Variants in NLN observed in about 807,000 individuals in gnomAD.
The protein encoded by NLN is neurolysin, also known as neurolysin, mitochondrial.
A neutral mutation model predicts 79.9 loss-of-function variants in NLN; 64 were observed. The ratio of observed to expected loss-of-function variants is 0.80; its 90% confidence interval spans 0.65 to 0.99. NLN has a LOEUF of 0.99. Among genes scored for constraint, NLN ranks in the 50% least tolerant of loss-of-function variants. NLN has a pLI of 0.00. For synonymous variants in NLN, 267 were observed against 296.6 expected (o/e 0.90, Z 1.02); for missense variants, 835 against 858.7 (o/e 0.97, Z 0.34).
At chr5:65,817,296 C>T (rs1439028762) in intron 12 of NLN, among the ~76,000 whole-genome samples, 2 of 152,030 alleles carry the variant, frequency 1.3e-5, no homozygotes, top group Non-Finnish European at 2.9e-5. Flanking sequence ...ACTTTTTTCT[C>T]AGTGAACATG....
chr5:65,810,790 G>A (rs1054102446), intron 11 of NLN, among the ~76,000 whole-genome samples: 6 of 151,996 alleles, frequency 3.9e-5, no homozygotes, highest in African/African-American at 7.2e-5. Flanking sequence ...GACCAGCCTA[G>A]GCAACATGGC....
At chr5:65,783,521 G>A (rs1388028214) in intron 6 of NLN, among the ~76,000 whole-genome samples, 3 of 152,070 alleles carry the variant, frequency 2.0e-5, no homozygotes. Context: ...AGCTGGCTTT[G>A]AGGAAGGCTG....
At chr5:65,738,928 G>GTATATATAAATA (rs1181884723) in intron 1 of NLN, among the ~76,000 whole-genome samples, 5 of 111,704 alleles carry the variant, frequency 4.5e-5, no homozygotes, top group African/African-American at 1.8e-4. Context: ...ATATATGTGT[G>GTATATATAAATA]TATATATATT....
At chr5:65,771,146 T>C (rs1759557588) in intron 3 of NLN, among the ~76,000 whole-genome samples, 1 of 152,084 alleles carries the variant, frequency 6.6e-6, no homozygotes, top group Admixed American at 6.5e-5. Flanking sequence ...ATTTAACATA[T>C]ATTAAATGTA....
rs768081359 is a variant in NLN, at chr5:65,792,556, C to G, written c.1428C>G (p.Phe476Leu). The change falls in exon 9 of 13, where the codon TTC (phenylalanine) becomes TTG (leucine). Residue 476 changes from phenylalanine (F) to leucine (L), a missense_variant. Physicochemically the swap from Phe to Leu is conservative, Grantham distance 22 (BLOSUM62 0). Coordinates refer to ENST00000380985, the MANE Select transcript of NLN (RefSeq NM_020726.5). ...CAGTGGCTGCCCTCGTGGTGAACTT[C>G]TCACAGCCAGTGGCAGGTCGTCCCT... is the stretch of plus-strand genomic sequence containing the variant. Reference protein sequence around the residue: ...MMAVAALVVNFSQPVAGRPSL... With the variant: ...MMAVAALVVNLSQPVAGRPSL... 1.2e-6 allele frequency: 2 copies of G among 1,613,912 alleles called. No individual in the cohort carries two copies. The highest frequency in any genetic ancestry group is 4.5e-5 in the East Asian group (2 of 44,874).
At chr5:65,791,525 C>T (rs1213269435) in intron 8 of NLN, among the ~76,000 whole-genome samples, 1 of 151,886 alleles carries the variant, frequency 6.6e-6, no homozygotes, top group Non-Finnish European at 1.5e-5. Context: ...GCCACCGCAC[C>T]CCAGCCTGGG....
chr5:65,803,783 G>C (rs1268280532), intron 9 of NLN, among the ~76,000 whole-genome samples: 1 of 152,156 alleles, frequency 6.6e-6, no homozygotes, highest in Non-Finnish European at 1.5e-5. Flanking sequence ...GGAGGGTGAG[G>C]CTCTTGCCCT....
chr5:65,771,082 C>T (rs372151652), intron 3 of NLN, among the ~76,000 whole-genome samples: 1 of 151,908 alleles, frequency 6.6e-6, no homozygotes, highest in Non-Finnish European at 1.5e-5. Flanking sequence ...TTAATTTGTC[C>T]TCACTACATA....
At chr5:65,805,100 T>C (rs1398442622) in intron 9 of NLN, among the ~76,000 whole-genome samples, 1 of 152,238 alleles carries the variant, frequency 6.6e-6, no homozygotes, top group Non-Finnish European at 1.5e-5. Context: ...AATCATGCTC[T>C]TTATAAGAGA....
chr5:65,722,524 C>T (rs878907570), intron 1 of NLN, 110 bp downstream of exon 1: 1 of 985,002 alleles, frequency 1.0e-6, no homozygotes, highest in Non-Finnish European at 1.5e-6. Flanking sequence ...TCCGACGCTC[C>T]CGGGACGCAC....
At chr5:65,794,098 G>T (rs563331054) in intron 9 of NLN, among the ~76,000 whole-genome samples, 54 of 152,264 alleles carry the variant, frequency 3.5e-4, no homozygotes, top group Non-Finnish European at 6.0e-4. Flanking sequence ...CTGGAGGTTT[G>T]CACTGTATGG....
intron 1 of NLN, among the ~76,000 whole-genome samples, chr5:65,740,495 G>A (rs1479300735): frequency 6.6e-6 from 1 of 152,098 alleles, no homozygotes; most frequent in African/African-American, 2.4e-5. Context: ...GTTTCAAAGG[G>A]AACAAGCATT....
intron 1 of NLN, among the ~76,000 whole-genome samples, chr5:65,757,902 T>C (rs958697211): frequency 3.9e-5 from 6 of 152,114 alleles, no homozygotes; most frequent in Non-Finnish European, 7.4e-5. Flanking sequence ...TCTATGTACA[T>C]AGTAGGTGAA....
At chr5:65,756,131 C>T (rs1759212968) in intron 1 of NLN, among the ~76,000 whole-genome samples, 1 of 152,116 alleles carries the variant, frequency 6.6e-6, no homozygotes, top group African/African-American at 2.4e-5. Flanking sequence ...GGTCCTAGAA[C>T]CCATATTGGC....
In NLN at chr5:65,750,041, G is replaced by A. The variant is rs114709088; in HGVS notation, c.42-8526G>A. On this transcript the variant is annotated intron_variant, in intron 1 of 12. Transcript: ENST00000380985. ...TTCTCTGTCCTTTCTTCCTTCCAGA[G>A]AAGACACCTAGGAACCTAGTTTGCG... is the stretch of plus-strand genomic sequence containing the variant. Among the ~76,000 whole-genome samples the A allele has an allele frequency of 2.6e-3, 400 of 152,298 alleles. 3 individuals are homozygous for A. The highest frequency in any genetic ancestry group is 0.012 in the South Asian group (58 of 4,822).
At chr5:65,817,707 G>A (rs2150777739) in intron 12 of NLN, among the ~76,000 whole-genome samples, 1 of 152,302 alleles carries the variant, frequency 6.6e-6, no homozygotes, top group South Asian at 2.1e-4. Flanking sequence ...AGAGAGTTAA[G>A]TGTAACTATA....
chr5:65,741,544 C>T (rs545531215), intron 1 of NLN, among the ~76,000 whole-genome samples: 2 of 152,208 alleles, frequency 1.3e-5, no homozygotes, highest in African/African-American at 4.8e-5. Context: ...ACTAACAAGC[C>T]TAAGTATTAA....
intron 1 of NLN, among the ~76,000 whole-genome samples, chr5:65,731,689 A>C (rs1046537848): frequency 6.7e-6 from 1 of 150,208 alleles, no homozygotes; most frequent in African/African-American, 2.5e-5. Context: ...TCTCATTCCT[A>C]GAAAGTCCTT....
chr5:65,756,896 T>G (rs1759231550), intron 1 of NLN, among the ~76,000 whole-genome samples: 1 of 152,194 alleles, frequency 6.6e-6, no homozygotes, highest in African/African-American at 2.4e-5. Context: ...GCATTACCTT[T>G]GGATAATTCC....
Sources: gnomAD v4.1 joint callset for allele counts (sites outside exome capture counted in the v4.1 genomes callset) on GRCh38, gnomAD v4.1.1 for gene constraint, MANE v1.5 for transcripts, NCBI Gene and HGNC (gene_info 2026-07-23, HGNC 2026-07-21) for gene names.